Variants in TRAF6 observed in about 807,000 individuals in gnomAD.
TRAF6 encodes the protein TNF receptor-associated factor 6.
A neutral mutation model predicts 48.4 loss-of-function variants in TRAF6; 10 were observed. That is an observed-to-expected ratio of 0.21 (90% CI 0.13 to 0.35). The LOEUF is 0.35. Among genes scored for constraint, TRAF6 ranks in the 10% least tolerant of loss-of-function variants. TRAF6 has a pLI of 1.00. For missense variants in TRAF6, 397 were observed against 661.0 expected, an observed-to-expected ratio of 0.60 and a Z score of 4.38; for synonymous variants, 186 against 219.6, an observed-to-expected ratio of 0.85 and a Z score of 1.35.
Position 36,490,560 on chromosome 11 carries a change from T to A in TRAF6, c.847A>T (p.Ile283Leu). 1.2e-6 allele frequency: 2 copies of A among 1,614,172 alleles called. No individual in the cohort carries two copies. Among genetic ancestry groups the A allele is most frequent in the South Asian group, 2.2e-5 (2 of 91,084 alleles). ...LAQAVHSLSV[I>L]PDSGYISEVR... is the part of the protein sequence containing the mutation. The stretch of plus-strand genomic sequence containing the variant: ...TCTGAGATATACCCAGAGTCGGGTA[T>A]AACGCTCAAACTATGAACAGCCTGG... The change falls in exon 7 of 7, where the codon ATA becomes TTA. Residue 283 changes from isoleucine to leucine, a missense_variant. Transcript: ENST00000526995. The surrounding 1 kb of genome is among the most constrained non-coding windows in gnomAD (Gnocchi z 6.4).
At chr11:36,507,514 T>C (rs866088803) in intron 1 of TRAF6, among the ~76,000 whole-genome samples, 133 of 8,900 alleles carry the variant, frequency 0.015, 42 homozygotes, top group Admixed American at 0.021. Flanking sequence ...CGTGTATACA[T>C]GCATATATAC....
At chr11:36,500,410 G>A (rs1012836485) in intron 2 of TRAF6, among the ~76,000 whole-genome samples, 1 of 152,138 alleles carries the variant, frequency 6.6e-6, no homozygotes, top group African/African-American at 2.4e-5. Context: ...CATGTTCAAG[G>A]GATAGCAAAG....
rs763566105 is a variant in TRAF6, at chr11:36,497,125, C to A, written c.589G>T (p.Ala197Ser). Residue 197 changes from alanine (A) to serine (S), a missense_variant, in exon 4 of 7, where the codon GCA (alanine) becomes TCA (serine). By Grantham distance (99) the Ala-to-Ser change is moderately conservative. This residue lies in a region of TRAF6 where 245 missense variants were observed against 349.1 expected (regional missense o/e 0.70). Transcript: ENST00000526995. ...VSCDNCAASM[A>S]FEDKEIHDQN... ...GTACATGCCTCTTTATCTTCAAATG[C>A]CATTGATGCAGCACAGTTGTCACAA... 6.2e-7 allele frequency: 1 copy of A among 1,612,808 alleles called. No individual in the cohort carries two copies. Among genetic ancestry groups the A allele is most frequent in the African/African-American group, 1.3e-5 (1 of 74,824 alleles).
intron 1 of TRAF6, among the ~76,000 whole-genome samples, chr11:36,505,782 G>A (rs564109917): frequency 6.6e-6 from 1 of 152,238 alleles, no homozygotes; most frequent in South Asian, 2.1e-4. Context: ...ACACTTAGAG[G>A]CCATTGTAGG....
intron 1 of TRAF6, 77 bp from the exon 2 acceptor site, chr11:36,501,614 A>C (rs767893955): frequency 7.2e-6 from 8 of 1,114,984 alleles, no homozygotes; most frequent in Admixed American, 5.8e-5. Context: ...ATCATAGCTT[A>C]TCTATACAAG....
Position 36,484,175 on chromosome 11 carries a change from A to C in TRAF6, c.*5663T>G, listed in dbSNP as rs1859449131. ...AGGGCTTGTTTTATGCGCTCCGTGC[A>C]TGCTGATGGTGCAGGGAGTGGTGGA... On this transcript the variant is annotated 3_prime_UTR_variant, in exon 7 of 7. Transcript: ENST00000526995. 6.6e-6 allele frequency among the ~76,000 whole-genome samples: 1 copy of C among 152,222 alleles called. No individual in the cohort carries two copies. The highest frequency in any genetic ancestry group is 1.5e-5 in the Non-Finnish European group (1 of 68,024).
intron 3 of TRAF6, among the ~76,000 whole-genome samples, 165 bp downstream of exon 3, chr11:36,498,325 C>A (rs1342060675): frequency 6.6e-6 from 1 of 152,166 alleles, no homozygotes; most frequent in East Asian, 1.9e-4. Context: ...TTTCTACTTA[C>A]ATTTATATTC....
intron 1 of TRAF6, among the ~76,000 whole-genome samples, chr11:36,508,243 T>C (rs1196835863): frequency 6.6e-6 from 1 of 151,876 alleles, no homozygotes; most frequent in Non-Finnish European, 1.5e-5. Flanking sequence ...TTCCTTAACT[T>C]GTATGTTAAG....
Position 36,484,014 on chromosome 11 carries a change from C to G in TRAF6, c.*5824G>C, listed in dbSNP as rs1031930518. Reference sequence around the variant, plus strand: ...TGCCTTTTTGAGATAAGTGTGAATCCACATTCACAACCTGGGTTGAGAAAG... The same window carrying G: ...TGCCTTTTTGAGATAAGTGTGAATCGACATTCACAACCTGGGTTGAGAAAG... On this transcript the variant is annotated 3_prime_UTR_variant, in exon 7 of 7. Transcript: ENST00000526995. Among the ~76,000 whole-genome samples the G allele has an allele frequency of 6.6e-6, 1 of 152,132 alleles. No homozygotes were observed. Among genetic ancestry groups the G allele is most frequent in the Non-Finnish European group, 1.5e-5 (1 of 68,026 alleles).
intron 5 of TRAF6, among the ~76,000 whole-genome samples, chr11:36,494,133 A>G (rs1191407777): frequency 6.6e-6 from 1 of 152,156 alleles, no homozygotes; most frequent in East Asian, 1.9e-4. Context: ...GGGAGGCTAA[A>G]GCAGGTAGAT....
At chr11:36,505,307 C>A (rs1434357180) in intron 1 of TRAF6, among the ~76,000 whole-genome samples, 1 of 152,214 alleles carries the variant, frequency 6.6e-6, no homozygotes, top group Non-Finnish European at 1.5e-5. Flanking sequence ...ACGATCGTAG[C>A]TAGATCTTCT....
At position 36,495,060 on chromosome 11, in the gene TRAF6, A is replaced by G. The variant is rs747890864; in HGVS notation, c.607-13T>C. The G allele has an allele frequency of 2.5e-6, 4 of 1,570,488 alleles. No individual in the cohort carries two copies. The South Asian group carries it at 3.4e-5, about 13-fold the overall frequency. Reference sequence around the variant, plus strand: ...TCTGGTCATGGATCTGAATTTTATTAGAGAAATATAATTAAAGCATGAGAA... The same window carrying G: ...TCTGGTCATGGATCTGAATTTTATTGGAGAAATATAATTAAAGCATGAGAA... On this transcript the variant is annotated splice_polypyrimidine_tract_variant and intron_variant, in intron 4 of 6. Transcript: ENST00000526995.
chr11:36,487,192 A>G lies in TRAF6; in HGVS notation c.*2646T>C, dbSNP rs545103145. On this transcript the variant is annotated 3_prime_UTR_variant, in exon 7 of 7. Transcript: ENST00000526995. The stretch of plus-strand genomic sequence containing the variant: ...CAATGTCCCAGAATGATGCCAAAAG[A>G]TAAATATGGTAAAAGGTGGTTAGTA... 1 of 152,344 alleles carries G rather than the reference A, an allele frequency of 6.6e-6. No homozygotes were observed. The highest frequency in any genetic ancestry group is 1.9e-4 in the East Asian group (1 of 5,190). 9.4% of individuals were successfully genotyped at this position (152,344 alleles called of 1,614,324 possible). A position where few individuals can be genotyped will look rare whatever the true frequency, so the allele number is the denominator to read the frequency against.
intron 6 of TRAF6, among the ~76,000 whole-genome samples, chr11:36,492,172 A>G (rs1859572742): frequency 6.6e-6 from 1 of 152,218 alleles, no homozygotes; most frequent in South Asian, 2.1e-4. Flanking sequence ...CCAACAGCTC[A>G]GGTACTAGTA....
rs1213836234 is a variant in TRAF6, at chr11:36,492,636, C to A, written c.679-8G>T. 6.3e-7 allele frequency: 1 copy of A among 1,599,336 alleles called. No homozygotes were observed. The highest frequency in any genetic ancestry group is 2.2e-5 in the East Asian group (1 of 44,776). On this transcript the variant is annotated splice_polypyrimidine_tract_variant and splice_region_variant and intron_variant, in intron 5 of 6. Coordinates refer to ENST00000526995, the MANE Select transcript of TRAF6 (RefSeq NM_004620.4). ...ATCATAATGATTAGGCATCTGAAAT[C>A]CAAAACAAAGGCTGAAAAATCTCTT...
rs748672638 is a variant in TRAF6 at position 36,490,558 on chromosome 11, T to C, written c.849A>G (p.Ile283Met). The C allele has an allele frequency of 6.2e-6, 10 of 1,614,088 alleles. No homozygotes were observed. In the African/African-American group the frequency reaches 1.1e-4, roughly 17 times the overall value. The change falls in exon 7 of 7, where the codon ATA (isoleucine) becomes ATG (methionine). Residue 283 changes from isoleucine (I) to methionine (M), a missense_variant. This residue lies in a region of TRAF6 where 245 missense variants were observed against 349.1 expected (regional missense o/e 0.70). Coordinates refer to ENST00000526995, the MANE Select transcript of TRAF6 (RefSeq NM_004620.4). This position sits in a 1 kb window ranked among gnomAD's most constrained non-coding sequence, Gnocchi z 6.4. ...LAQAVHSLSV[I>M]PDSGYISEVR... Reference sequence around the variant, plus strand: ...CCTCTGAGATATACCCAGAGTCGGGTATAACGCTCAAACTATGAACAGCCT... The same window carrying C: ...CCTCTGAGATATACCCAGAGTCGGGCATAACGCTCAAACTATGAACAGCCT...
In TRAF6 at chr11:36,490,088, G is replaced by C; in HGVS notation, c.1319C>G (p.Ala440Gly). Residue 440 changes from alanine (A) to glycine (G), a missense_variant, in exon 7 of 7, where the codon GCA becomes GGA. By Grantham distance (60) the Ala-to-Gly change is moderately conservative. Around this residue, in one of 4 missense-constraint regions of TRAF6, gnomAD observed 74 missense variants for 198.9 expected, o/e 0.37. Coordinates refer to ENST00000526995, the MANE Select transcript of TRAF6 (RefSeq NM_004620.4). This position sits in a 1 kb window ranked among gnomAD's most constrained non-coding sequence, Gnocchi z 6.4. ...IRLTILDQSE[A>G]PVRQNHEEIM... ...CTCTTCGTGGTTTTGCCTTACAGGTGCTTCAGACTGATCAAGAATTGTAAG... is the reference window on the plus strand; with the variant it reads ...CTCTTCGTGGTTTTGCCTTACAGGTCCTTCAGACTGATCAAGAATTGTAAG... 9 of 1,614,170 alleles carry C rather than the reference G, an allele frequency of 5.6e-6. No homozygotes were observed. Among genetic ancestry groups the C allele is most frequent in the Non-Finnish European group, 7.6e-6 (9 of 1,180,044 alleles).
rs1358848313 is a variant in TRAF6 at position 36,486,071 on chromosome 11, C to T, written c.*3767G>A. Among the ~76,000 whole-genome samples the T allele has an allele frequency of 3.6e-5, 2 of 56,004 alleles. No individual in the cohort carries two copies. The highest frequency in any genetic ancestry group is 7.7e-5 in the African/African-American group (1 of 13,046). 36.7% of individuals were successfully genotyped at this position (56,004 alleles called of 152,430 possible). A position where few individuals can be genotyped will look rare whatever the true frequency, so the allele number is the denominator to read the frequency against. On this transcript the variant is annotated 3_prime_UTR_variant, in exon 7 of 7. Transcript: ENST00000526995. ...TTTTGTTTTGTGAGACAGTGTTGCA[C>T]TCTGTCACCCAGGCTGGGGGTGCAG...
chr11:36,506,784 C>A (rs968360036), intron 1 of TRAF6, among the ~76,000 whole-genome samples: 8 of 152,182 alleles, frequency 5.3e-5, no homozygotes, highest in Non-Finnish European at 1.0e-4. Flanking sequence ...TTTCACATTA[C>A]TTTCCACGCT....
Sources: allele counts gnomAD v4.1 joint callset (sites outside exome capture counted in the v4.1 genomes callset), GRCh38; gene constraint gnomAD v4.1.1; regional missense constraint gnomAD v4.1.1; non-coding constraint Gnocchi (gnomAD v3.1); transcripts MANE v1.5; gene names NCBI Gene and HGNC (gene_info 2026-07-23, HGNC 2026-07-21).